The following DHX8 variants were observed in gnomAD, a reference collection of about 807,000 sequenced individuals.
DHX8 encodes the protein ATP-dependent RNA helicase DHX8.
A neutral mutation model predicts 140.7 loss-of-function variants in DHX8; 67 were observed. That is an observed-to-expected ratio of 0.48 (90% CI 0.39 to 0.58). The LOEUF (loss-of-function observed/expected upper bound fraction) is 0.58. Ranked by LOEUF, DHX8 falls within the 20% of genes least tolerant of loss-of-function variation. The pLI, the probability that DHX8 is intolerant of heterozygous loss-of-function variation, is 0.00. For synonymous variants in DHX8, 533 were observed against 553.2 expected, an observed-to-expected ratio of 0.96 and a Z score of 0.51; for missense variants, 887 against 1,550.7, an observed-to-expected ratio of 0.57 and a Z score of 7.19.
chr17:43,529,385 G>A, downstream of DHX8: 2 of 1,428,916 alleles, frequency 1.4e-6, no homozygotes, highest in Non-Finnish European at 1.9e-6. Flanking sequence ...GGCTTGGCAA[G>A]AATTCAGGTT....
chr17:43,535,028 A>G (rs765465674), intron 2 of DHX8, among the ~76,000 whole-genome samples: 6 of 152,138 alleles, frequency 3.9e-5, no homozygotes, highest in African/African-American at 4.8e-5. Flanking sequence ...CATTATACAC[A>G]TGCTCCTACT....
Position 43,493,594 on chromosome 17 carries a change from G to A in DHX8, c.1008+5G>A. On this transcript the variant is annotated splice_donor_5th_base_variant and intron_variant, in intron 7 of 22. Transcript: ENST00000262415. ...AAGACCAGCCTGAGCATGAAGGTAG[G>A]TGAGATGGTCAGCCTGTTCTTACAT... 1.2e-6 allele frequency: 2 copies of A among 1,614,192 alleles called. No individual in the cohort carries two copies. Among genetic ancestry groups the A allele is most frequent in the Non-Finnish European group, 1.7e-6 (2 of 1,180,028 alleles).
intron 2 of DHX8, 82 bp downstream of exon 2, chr17:43,489,616 AGTTTT>A: frequency 2.7e-6 from 3 of 1,099,540 alleles, no homozygotes; most frequent in Non-Finnish European, 4.0e-6. Context: ...TTTGAGACAG[AGTTTT>A]GCTCTGTCGC....
downstream of DHX8, chr17:43,526,505 C>G: frequency 6.5e-7 from 1 of 1,535,684 alleles, no homozygotes; most frequent in Non-Finnish European, 8.7e-7. Context: ...GCCCAAAGCA[C>G]TTCCTCCCTG....
At position 43,507,695 on chromosome 17, in the gene DHX8, A is replaced by G. The variant is rs764298878; in HGVS notation, c.2109+7A>G. On this transcript the variant is annotated splice_region_variant and intron_variant, in intron 14 of 22. Transcript: ENST00000262415. ...CTTTGGATTGTTGAAAAAGGTAACT[A>G]GATGCTCTTTAATGACCCCTCTACC... is the stretch of plus-strand genomic sequence containing the variant. 8.1e-6 allele frequency: 13 copies of G among 1,613,546 alleles called. No individual in the cohort carries two copies. The African/African-American group carries it at 9.3e-5, about 12-fold the overall frequency.
intron 3 of DHX8, 129 bp downstream of exon 3, chr17:43,490,592 G>C: frequency 1.3e-6 from 1 of 760,048 alleles, no homozygotes; most frequent in South Asian, 1.9e-5. Context: ...TTTCAAATGG[G>C]CTGGGCCTAG....
chr17:43,526,117 C>T, downstream of DHX8: 4 of 985,322 alleles, frequency 4.1e-6, no homozygotes, highest in Non-Finnish European at 4.8e-6. Flanking sequence ...CTGAGCTGAG[C>T]CTGCTCTGAG....
At chr17:43,488,806 G>A (rs1968332249) in intron 1 of DHX8, among the ~76,000 whole-genome samples, 1 of 152,230 alleles carries the variant, frequency 6.6e-6, no homozygotes, top group Non-Finnish European at 1.5e-5. Context: ...TCTAGTCTAG[G>A]TGGCAGCGTG....
intron 2 of DHX8, chr17:43,532,755 G>C: frequency 6.2e-7 from 1 of 1,613,982 alleles, no homozygotes; most frequent in Non-Finnish European, 8.5e-7. Flanking sequence ...ACCCCACCCT[G>C]GTCCACGGCT....
downstream of DHX8, among the ~76,000 whole-genome samples, chr17:43,530,774 G>A (rs982866795): frequency 6.6e-6 from 1 of 152,004 alleles, no homozygotes; most frequent in Non-Finnish European, 1.5e-5. Context: ...ACTCCACATC[G>A]GGAAGGCGGC....
chr17:43,536,216 A>ATG, intron 2 of DHX8: 1 of 598,772 alleles, frequency 1.7e-6, no homozygotes, highest in Non-Finnish European at 3.0e-6. Context: ...AACCAGAGGG[A>ATG]TAGTGTCTGC....
chr17:43,512,696 T>G (rs1325618481), intron 16 of DHX8, among the ~76,000 whole-genome samples: 1 of 152,196 alleles, frequency 6.6e-6, no homozygotes, highest in African/African-American at 2.4e-5. Context: ...GCATGATGCG[T>G]GATATTCCGG....
At chr17:43,535,364 G>A (rs527424444) in intron 2 of DHX8, among the ~76,000 whole-genome samples, 20 of 152,156 alleles carry the variant, frequency 1.3e-4, no homozygotes, top group Non-Finnish European at 2.1e-4. Context: ...TGCAACCTCC[G>A]CCTCCCAGGT....
downstream of DHX8, chr17:43,530,151 TG>T (rs1970833727): frequency 1.3e-6 from 2 of 1,561,298 alleles, no homozygotes; most frequent in Non-Finnish European, 1.7e-6. Flanking sequence ...GCCCTCTGTG[TG>T]GAGGTACATT....
In DHX8 at chr17:43,522,288, C is replaced by T. The variant is rs150358555; in HGVS notation, c.3443+62C>T. 5.4e-4 allele frequency: 824 copies of T among 1,524,266 alleles called. 5 individuals are homozygous for T. The African/African-American group carries it at 0.01, about 19-fold the overall frequency. The allele number at this position is 1,524,266 out of a possible 1,614,324, so 94.4% of individuals were successfully genotyped here. A position where few individuals can be genotyped will look rare whatever the true frequency, so the allele number is the denominator to read the frequency against. On this transcript the variant is annotated intron_variant, in intron 22 of 22. Coordinates refer to ENST00000262415, the MANE Select transcript of DHX8 (RefSeq NM_004941.3). The stretch of plus-strand genomic sequence containing the variant: ...GGGCAGAGAAAAACCTGTAAATTTC[C>T]TGGTATTTTGTGATTGTGTCTTCAC...
chr17:43,490,545 C>A, intron 3 of DHX8, 82 bp downstream of exon 3: 1 of 1,175,662 alleles, frequency 8.5e-7, no homozygotes, highest in Non-Finnish European at 1.2e-6. Flanking sequence ...GTTTTCCTCT[C>A]AGCAGTTGCT....
chr17:43,532,404 C>T (rs1970989910), intron 2 of DHX8, among the ~76,000 whole-genome samples: 1 of 151,748 alleles, frequency 6.6e-6, no homozygotes, highest in Admixed American at 6.6e-5. Context: ...GAGGCTGAGG[C>T]ACAAGAATCG....
intron 12 of DHX8, among the ~76,000 whole-genome samples, chr17:43,506,561 A>G (rs567806684): frequency 1.6e-3 from 239 of 151,334 alleles, no homozygotes; most frequent in Non-Finnish European, 2.8e-3. Flanking sequence ...GGAGGTTGCA[A>G]TGAGCTGAGA....
At chr17:43,484,298 C>G (rs1432280650) in intron 1 of DHX8, 113 bp downstream of exon 1, 22 of 1,281,818 alleles carry the variant, frequency 1.7e-5, no homozygotes, top group Non-Finnish European at 2.2e-5. Context: ...GTGAATCTGT[C>G]TCTCTCTGTC....
Sources: allele counts gnomAD v4.1 joint callset (sites outside exome capture counted in the v4.1 genomes callset), GRCh38; gene constraint gnomAD v4.1.1; transcripts MANE v1.5; gene names NCBI Gene and HGNC (gene_info 2026-07-23, HGNC 2026-07-21).